Variants in SLC22A23 observed in about 807,000 individuals in gnomAD.
SLC22A23 encodes the protein solute carrier family 22 member 23, also known as ion transporter protein.
SLC22A23 carries 26 observed loss-of-function variants against 61.0 expected under a neutral mutation model. The ratio of observed to expected loss-of-function variants is 0.43; its 90% CI spans 0.31 to 0.59. SLC22A23 has a LOEUF of 0.59. Ranked by LOEUF, SLC22A23 falls within the 20% of genes least tolerant of loss-of-function variation. SLC22A23 has a pLI of 0.11. For synonymous variants in SLC22A23, 430 were observed against 413.9 expected (o/e 1.04, Z -0.47); for missense variants, 796 against 934.7 (o/e 0.85, Z 1.94).
At chr6:3,283,641 GC>G in intron 9 of SLC22A23, 2 of 621,152 alleles carry the variant, frequency 3.2e-6, no homozygotes, top group Non-Finnish European at 5.5e-6. Flanking sequence ...TCCTGCTGCT[GC>G]CTGGACAGGA....
rs1024953404 is a variant in SLC22A23, at chr6:3,333,470, C to G, written c.914-9468G>C. Reference sequence around the variant, plus strand: ...ACCACATCACCTGCCCCTCCCCGCCCCATCGCTCCACTTCAGCCACACTGG... The same window carrying G: ...ACCACATCACCTGCCCCTCCCCGCCGCATCGCTCCACTTCAGCCACACTGG... On this transcript the variant is annotated intron_variant, in intron 3 of 9. Transcript: ENST00000406686. This position sits in a 1 kb window ranked among gnomAD's most constrained non-coding sequence, Gnocchi z 4.1. Among the ~76,000 whole-genome samples the G allele has an allele frequency of 1.3e-5, 2 of 152,094 alleles. No individual in the cohort carries two copies. Among genetic ancestry groups the G allele is most frequent in the African/African-American group, 2.4e-5 (1 of 41,394 alleles).
chr6:3,397,403 C>G (rs1265441694), intron 3 of SLC22A23, among the ~76,000 whole-genome samples: 2 of 152,152 alleles, frequency 1.3e-5, no homozygotes, highest in African/African-American at 4.8e-5. Context: ...GCGAGAGGGG[C>G]TCAGGGAAGA....
chr6:3,343,139 G>A (rs1764243377), intron 3 of SLC22A23, among the ~76,000 whole-genome samples: 1 of 152,158 alleles, frequency 6.6e-6, no homozygotes, highest in Non-Finnish European at 1.5e-5. Context: ...TAGGTAGATG[G>A]GGGAGTTCCG....
chr6:3,439,138 G>T (rs1200611566), intron 1 of SLC22A23, among the ~76,000 whole-genome samples: 1 of 152,114 alleles, frequency 6.6e-6, no homozygotes, highest in Non-Finnish European at 1.5e-5. Context: ...CATCCCTTGT[G>T]GTGTGGACAG....
chr6:3,359,441 T>C (rs1404461618), intron 3 of SLC22A23, among the ~76,000 whole-genome samples: 2 of 152,212 alleles, frequency 1.3e-5, no homozygotes, highest in African/African-American at 4.8e-5. Flanking sequence ...GGAAAGATGC[T>C]CAACGTCACT....
At chr6:3,357,165 C>G (rs1203602366) in intron 3 of SLC22A23, among the ~76,000 whole-genome samples, 1 of 151,378 alleles carries the variant, frequency 6.6e-6, no homozygotes, top group Non-Finnish European at 1.5e-5. Flanking sequence ...TCTCAGAAAT[C>G]CAGCAGGATT....
chr6:3,364,321 C>T (rs1268368129), intron 3 of SLC22A23, among the ~76,000 whole-genome samples: 2 of 152,170 alleles, frequency 1.3e-5, no homozygotes, highest in African/African-American at 4.8e-5. Flanking sequence ...CCATGTTACA[C>T]TTCAAGGAAC....
At chr6:3,316,048 C>T (rs912693225) in intron 4 of SLC22A23, among the ~76,000 whole-genome samples, 1 of 152,186 alleles carries the variant, frequency 6.6e-6, no homozygotes, top group African/African-American at 2.4e-5. Flanking sequence ...CCAGGCCCAC[C>T]ACAGGCGTTT....
intron 3 of SLC22A23, among the ~76,000 whole-genome samples, chr6:3,347,169 G>C (rs994900437): frequency 1.3e-5 from 2 of 152,134 alleles, no homozygotes; most frequent in African/African-American, 4.8e-5. Flanking sequence ...AAGTTTGACC[G>C]TGCAGCCACG....
chr6:3,347,104 C>G (rs1034290899), intron 3 of SLC22A23, among the ~76,000 whole-genome samples: 5 of 152,102 alleles, frequency 3.3e-5, no homozygotes, highest in African/African-American at 1.2e-4. Context: ...TTATGTTGCA[C>G]ACATTTCCCC....
intron 2 of SLC22A23, among the ~76,000 whole-genome samples, chr6:3,415,488 A>G (rs1294381255): frequency 6.6e-6 from 1 of 152,242 alleles, no homozygotes; most frequent in East Asian, 1.9e-4. Context: ...GTCAAAGGTT[A>G]GAAGTAGATG....
chr6:3,442,636 TACGATGCTA>T (rs1267573738), intron 1 of SLC22A23, among the ~76,000 whole-genome samples: 24 of 152,138 alleles, frequency 1.6e-4, no homozygotes, highest in African/African-American at 4.6e-4. Flanking sequence ...TAGTGCAAAT[TACGATGCTA>T]AGTACATAAC....
chr6:3,282,421 G>T, intron 9 of SLC22A23: 1 of 656,488 alleles, frequency 1.5e-6, no homozygotes, highest in South Asian at 1.6e-5. Context: ...GGGCCTGTAG[G>T]ATACGATCCA....
rs1581565989 is a variant in SLC22A23, at chr6:3,270,212, CAGTG to C, written c.*2839_*2842del. On this transcript the variant is annotated 3_prime_UTR_variant, in exon 10 of 10. Coordinates refer to ENST00000406686, the MANE Select transcript of SLC22A23 (RefSeq NM_015482.2). ...AGGGGGTGGGAGGGTCAAGTTGAAA[CAGTG>C]GGTGCCTGCGAAGGGTCTCCCTATT... is the stretch of plus-strand genomic sequence containing the variant. The C allele has an allele frequency of 6.6e-6, 1 of 152,312 alleles. No individual in the cohort carries two copies. The highest frequency in any genetic ancestry group is 1.5e-5 in the Non-Finnish European group (1 of 68,100). 9.4% of individuals were successfully genotyped at this position (152,312 alleles called of 1,614,324 possible).
At chr6:3,306,044 T>A (rs1161527800) in intron 4 of SLC22A23, among the ~76,000 whole-genome samples, 1 of 152,182 alleles carries the variant, frequency 6.6e-6, no homozygotes, top group Non-Finnish European at 1.5e-5. Flanking sequence ...ACAGGAAGCA[T>A]GGCACCAACA....
chr6:3,298,934 T>C (rs1451691043), intron 4 of SLC22A23, among the ~76,000 whole-genome samples: 1 of 142,090 alleles, frequency 7.0e-6, no homozygotes, highest in Admixed American at 7.3e-5. Context: ...ATTGCGCCAC[T>C]GCAGTCCGCA....
intron 3 of SLC22A23, among the ~76,000 whole-genome samples, chr6:3,375,009 G>A (rs17248823): frequency 6.0e-4 from 91 of 152,312 alleles, no homozygotes; most frequent in Non-Finnish European, 1.2e-3. Context: ...AAGAGTAAAC[G>A]CAGAAAACTG....
At chr6:3,338,353 G>A (rs1260182759) in intron 3 of SLC22A23, among the ~76,000 whole-genome samples, 1 of 152,116 alleles carries the variant, frequency 6.6e-6, no homozygotes, top group East Asian at 1.9e-4. Context: ...TTTTTGAGAC[G>A]GAGTCTCACT....
intron 9 of SLC22A23, chr6:3,283,462 C>A: frequency 3.6e-6 from 1 of 275,148 alleles, no homozygotes; most frequent in Non-Finnish European, 7.3e-6. Context: ...GCTCTTTCTA[C>A]TTTGTGAAAC....
Sources: allele counts gnomAD v4.1 joint callset (sites outside exome capture counted in the v4.1 genomes callset), GRCh38; gene constraint gnomAD v4.1.1; non-coding constraint Gnocchi (gnomAD v3.1); transcripts MANE v1.5; gene names NCBI Gene and HGNC (gene_info 2026-07-23, HGNC 2026-07-21).